Variants in SKI observed in about 807,000 individuals in gnomAD.
SKI encodes SKI proto-oncogene.
Under a neutral mutation model 59.3 loss-of-function variants are expected in SKI, and 23 were observed. The observed-to-expected ratio is 0.39, with a 90% CI of 0.28 to 0.55. The LOEUF (loss-of-function observed/expected upper bound fraction) is 0.55. Ranked by LOEUF, SKI falls within the 20% of genes least tolerant of loss-of-function variation. The pLI is 0.67. For synonymous variants in SKI, 673 were observed against 488.6 expected (o/e 1.38, Z -4.98); for missense variants, 1,017 against 1,038.9 (o/e 0.98, Z 0.29).
chr1:2,230,241 C>T (rs560861389), intron 1 of SKI, among the ~76,000 whole-genome samples: 27 of 152,332 alleles, frequency 1.8e-4, no homozygotes, highest in Admixed American at 5.2e-4. Flanking sequence ...TTGGGTGAGG[C>T]GAGGCCTGGT....
chr1:2,289,433 T>C (rs1162849288), intron 1 of SKI, among the ~76,000 whole-genome samples: 2 of 148,250 alleles, frequency 1.3e-5, no homozygotes, highest in Non-Finnish European at 3.0e-5. Context: ...AGATCAAATG[T>C]GGCACTGCAG....
In SKI at chr1:2,306,427, G is replaced by A. The variant is rs537149357; in HGVS notation, c.1999-150G>A. On this transcript the variant is annotated intron_variant, in intron 6 of 6. Transcript: ENST00000378536. ...GGGTGGTTGCTGGGCCCTGCGTCTC[G>A]TGAGCCTGTGTCCTAGCAGGTGGAG... 5.9e-4 allele frequency: 584 copies of A among 988,286 alleles called. 5 individuals carry two copies. The East Asian group carries it at 0.014, about 24-fold the overall frequency. 61.2% of individuals were successfully genotyped at this position (988,286 alleles called of 1,614,324 possible).
At chr1:2,255,595 C>G (rs1212803095) in intron 1 of SKI, among the ~76,000 whole-genome samples, 5 of 152,064 alleles carry the variant, frequency 3.3e-5, no homozygotes, top group African/African-American at 1.2e-4. Flanking sequence ...GTCCTGACCT[C>G]ATTTCCTGTC....
intron 1 of SKI, among the ~76,000 whole-genome samples, chr1:2,289,695 G>A (rs1194592613): frequency 6.6e-6 from 1 of 152,092 alleles, no homozygotes; most frequent in East Asian, 1.9e-4. Flanking sequence ...AGCCCACCGT[G>A]TGCTTCTTGT....
At chr1:2,232,377 C>T (rs1638657989) in intron 1 of SKI, 1 of 152,182 alleles carries the variant, frequency 6.6e-6, no homozygotes, top group Non-Finnish European at 1.5e-5. Flanking sequence ...CAGCGCCACT[C>T]TCCTACCCAT....
intron 5 of SKI, 97 bp downstream of exon 5, chr1:2,304,682 G>C: frequency 6.9e-7 from 1 of 1,457,230 alleles, no homozygotes. Context: ...CTCCCTTCCT[G>C]GCTGCCCCAT....
rs919891745 is a variant in SKI, at chr1:2,306,552, C to G, written c.1999-25C>G. On this transcript the variant is annotated intron_variant, in intron 6 of 6. Coordinates refer to ENST00000378536, the MANE Select transcript of SKI (RefSeq NM_003036.4). The stretch of plus-strand genomic sequence containing the variant: ...CCGGGGCAGGGCAGCGAGCAGGCGC[C>G]GCTGACCACTCGGCTCCCTTTCAGA... 3 of 1,537,462 alleles carry G rather than the reference C, an allele frequency of 2.0e-6. No individual in the cohort carries two copies. In the Admixed American group the frequency reaches 5.9e-5, roughly 30 times the overall value.
chr1:2,271,724 G>GA (rs1553195756), intron 1 of SKI, among the ~76,000 whole-genome samples: 10 of 151,624 alleles, frequency 6.6e-5, no homozygotes, highest in Non-Finnish European at 2.9e-5. Flanking sequence ...CCCCTGGGGG[G>GA]GGGTAGGGGG....
intron 1 of SKI, among the ~76,000 whole-genome samples, chr1:2,246,252 T>C (rs1457571090): frequency 6.6e-6 from 1 of 152,166 alleles, no homozygotes; most frequent in Non-Finnish European, 1.5e-5. Flanking sequence ...TGGCATCTCA[T>C]TGTGGTTTTG....
At chr1:2,254,405 C>G (rs1459942215) in intron 1 of SKI, among the ~76,000 whole-genome samples, 1 of 152,224 alleles carries the variant, frequency 6.6e-6, no homozygotes, top group Admixed American at 6.5e-5. Flanking sequence ...ATGTCCCCGT[C>G]CCAAACAGCC....
In SKI at chr1:2,308,857, A is replaced by G. The variant is rs780409053; in HGVS notation, c.*2092A>G. The G allele has an allele frequency of 1.3e-5, 2 of 152,262 alleles. No individual in the cohort carries two copies. Among genetic ancestry groups the G allele is most frequent in the Non-Finnish European group, 2.9e-5 (2 of 68,066 alleles). 9.4% of individuals were successfully genotyped at this position (152,262 alleles called of 1,614,324 possible). On this transcript the variant is annotated 3_prime_UTR_variant, in exon 7 of 7. Transcript: ENST00000378536. ...CTCTCCTTGCCCTTGCTCCATCCCG[A>G]CGGTCACCGTTGGGTCCACGCCTCC...
At chr1:2,235,327 A>T (rs1031532441) in intron 1 of SKI, among the ~76,000 whole-genome samples, 2 of 152,168 alleles carry the variant, frequency 1.3e-5, no homozygotes, top group African/African-American at 4.8e-5. Flanking sequence ...TACAGGCATA[A>T]GCCACTGTGC....
intron 1 of SKI, among the ~76,000 whole-genome samples, chr1:2,296,454 G>A (rs1000514147): frequency 7.9e-5 from 12 of 152,152 alleles, no homozygotes; most frequent in African/African-American, 2.7e-4. Flanking sequence ...GTCTCCCTGC[G>A]GTGTGATTGC....
chr1:2,229,797 C>T lies in SKI; in HGVS notation c.969+62C>T, dbSNP rs533637077. On this transcript the variant is annotated intron_variant, in intron 1 of 6. Transcript: ENST00000378536. The surrounding 1 kb of genome is among the most constrained non-coding windows in gnomAD (Gnocchi z 6.3). ...GCTTGGGGTGGGGGCCCCTTCTGGA[C>T]TACAGGCTCTGGTCTCCGAAGGCTG... 7.7e-4 allele frequency: 1,197 copies of T among 1,548,624 alleles called. 7 individuals carry two copies. The highest frequency in any genetic ancestry group is 4.4e-3 in the Middle Eastern group (26 of 5,976).
At chr1:2,295,809 C>T (rs1397438936) in intron 1 of SKI, among the ~76,000 whole-genome samples, 1 of 152,220 alleles carries the variant, frequency 6.6e-6, no homozygotes, top group Non-Finnish European at 1.5e-5. Context: ...GAATCATACT[C>T]CATTGTCTGC....
At position 2,303,150 on chromosome 1, in the gene SKI, C is replaced by G. The variant is rs769865684; in HGVS notation, c.1095+47C>G. Reference sequence around the variant, plus strand: ...TCCTTGGGGTGGTGGGTACTGGGCCCTTCTCCTTGGGCAGACCCAGCGGCT... The same window carrying G: ...TCCTTGGGGTGGTGGGTACTGGGCCGTTCTCCTTGGGCAGACCCAGCGGCT... On this transcript the variant is annotated intron_variant, in intron 2 of 6. Transcript: ENST00000378536. The surrounding 1 kb of genome is among the most constrained non-coding windows in gnomAD (Gnocchi z 5.6). 1.9e-6 allele frequency: 3 copies of G among 1,611,642 alleles called. No individual in the cohort carries two copies. The highest frequency in any genetic ancestry group is 2.5e-6 in the Non-Finnish European group (3 of 1,179,296).
At chr1:2,257,674 T>C (rs1043037982) in intron 1 of SKI, among the ~76,000 whole-genome samples, 1 of 152,246 alleles carries the variant, frequency 6.6e-6, no homozygotes, top group Non-Finnish European at 1.5e-5. Context: ...TGAATTATTA[T>C]ATCTTCTTGA....
intron 1 of SKI, among the ~76,000 whole-genome samples, chr1:2,254,699 AT>A (rs919745129): frequency 6.6e-6 from 1 of 151,956 alleles, no homozygotes; most frequent in African/African-American, 2.4e-5. Context: ...TCCTGAAGTT[AT>A]CACAGTCTTG....
chr1:2,243,318 T>A (rs1298384971), intron 1 of SKI, among the ~76,000 whole-genome samples: 1 of 152,258 alleles, frequency 6.6e-6, no homozygotes, highest in East Asian at 1.9e-4. Context: ...TACCACCTGC[T>A]TCATCCCCGC....
Sources: gnomAD v4.1 joint callset for allele counts (sites outside exome capture counted in the v4.1 genomes callset) on GRCh38, gnomAD v4.1.1 for gene constraint, Gnocchi (gnomAD v3.1) non-coding constraint, MANE v1.5 for transcripts, NCBI Gene and HGNC (gene_info 2026-07-23, HGNC 2026-07-21) for gene names.